Variants in VPS16 observed in about 807,000 individuals in gnomAD.
VPS16 encodes the protein VPS16 core subunit of CORVET and HOPS complexes.
A neutral mutation model predicts 116.0 loss-of-function variants in VPS16; 82 were observed. That is an observed-to-expected ratio of 0.71 (90% CI 0.59 to 0.85). The LOEUF is 0.85. Ranked by LOEUF, VPS16 falls within the 40% of genes least tolerant of loss-of-function variation. The pLI is 0.00. For synonymous variants in VPS16, 406 were observed against 420.7 expected (o/e 0.96, Z 0.43); for missense variants, 928 against 1,090.6 (o/e 0.85, Z 2.10).
chr20:2,852,380 G>A (rs2089131031), intron 1 of VPS16, among the ~76,000 whole-genome samples: 2 of 152,134 alleles, frequency 1.3e-5, no homozygotes, highest in Admixed American at 1.3e-4. Context: ...ATGGGTTAAA[G>A]GGTGAATTTG....
Position 2,864,372 on chromosome 20 carries a change from G to A in VPS16, c.1728G>A (p.Thr576=), listed in dbSNP as rs141734741. The change falls in exon 18 of 24, where the codon ACG becomes ACA. Residue 576 remains threonine, a synonymous_variant. Transcript: ENST00000380445. The surrounding 1 kb of genome is among the most constrained non-coding windows in gnomAD (Gnocchi z 5.2). ...IESGDTDLVF[T]VLLHLKNELN... is the part of the protein sequence containing the mutation. ...CACCTTACTCTCCTGCAGTGTTCAC[G>A]GTGTTGCTGCACCTGAAGAACGAGC... 15 of 1,614,062 alleles carry A rather than the reference G, an allele frequency of 9.3e-6. No individual in the cohort carries two copies. The highest frequency in any genetic ancestry group is 5.0e-5 in the Admixed American group (3 of 60,010).
intron 1 of VPS16, among the ~76,000 whole-genome samples, chr20:2,854,931 G>C (rs1301105856): frequency 1.3e-5 from 2 of 150,608 alleles, no homozygotes; most frequent in Non-Finnish European, 2.9e-5. Flanking sequence ...GAGTTTTTGG[G>C]GGACCAGATA....
At chr20:2,850,725 T>C (rs1412750460) in intron 1 of VPS16, among the ~76,000 whole-genome samples, 1 of 151,494 alleles carries the variant, frequency 6.6e-6, no homozygotes, top group East Asian at 1.9e-4. Flanking sequence ...CCCAATACTT[T>C]GGGAGGCCGT....
Position 2,865,612 on chromosome 20 carries a change from G to C in VPS16, c.2271+117G>C. ...ATGCTCCTGTTCAGCTGCCCGCATA[G>C]TTAGCGAGTGCTTCCTGTATACACA... On this transcript the variant is annotated intron_variant, in intron 22 of 23. Transcript: ENST00000380445. The surrounding 1 kb of genome is among the most constrained non-coding windows in gnomAD (Gnocchi z 5.2). 5.5e-6 allele frequency: 5 copies of C among 914,468 alleles called. No individual in the cohort carries two copies. The highest frequency in any genetic ancestry group is 5.1e-5 in the South Asian group (3 of 58,964). The allele number at this position is 914,468 out of a possible 1,614,324, so 56.6% of individuals were successfully genotyped here.
rs2089349015 is a variant in VPS16 at position 2,866,477 on chromosome 20, C to T, written c.2423C>T (p.Ala808Val). The change falls in exon 24 of 24, where the codon GCT becomes GTT. Residue 808 changes from alanine to valine, a missense_variant. Ala to Val is a moderately conservative substitution (Grantham distance 64). Transcript: ENST00000380445. ...ADVAIEHRNE[A>V]ELSLVLSHCT... The stretch of plus-strand genomic sequence containing the variant: ...GTGGCCATCGAACACCGGAATGAGG[C>T]TGAGCTGAGCCTCGTATTGTCCCAC... 1.1e-5 allele frequency: 18 copies of T among 1,614,082 alleles called. No individual in the cohort carries two copies. The highest frequency in any genetic ancestry group is 1.5e-5 in the Non-Finnish European group (18 of 1,180,048).
intron 1 of VPS16, 118 bp downstream of exon 1, chr20:2,840,945 T>G (rs2088963061): frequency 3.0e-6 from 3 of 1,009,758 alleles, no homozygotes; most frequent in Admixed American, 2.7e-5. Context: ...CCGCGCCGGC[T>G]CTCCCCGAGC....
rs761319981 is a variant in VPS16 at position 2,865,025 on chromosome 20, C to G, written c.1974C>G (p.Phe658Leu). The G allele has an allele frequency of 1.2e-6, 2 of 1,614,196 alleles. No homozygotes were observed. Among genetic ancestry groups the G allele is most frequent in the Non-Finnish European group, 1.7e-6 (2 of 1,180,040 alleles). The change falls in exon 20 of 24, where the codon TTC (phenylalanine) becomes TTG (leucine). Residue 658 changes from phenylalanine to leucine, a missense_variant. Phe to Leu is a conservative substitution (Grantham distance 22). Coordinates refer to ENST00000380445, the MANE Select transcript of VPS16 (RefSeq NM_022575.4). The surrounding 1 kb of genome is among the most constrained non-coding windows in gnomAD (Gnocchi z 5.2). ...CTCTGCAGACAGCCGCCGATGCCTT[C>G]TACAAGGCCAAGAATGAGTTTGCAG... ...VAALQTAADA[F>L]YKAKNEFAAK...
rs755004090 is a variant in VPS16 at position 2,866,507 on chromosome 20, C to T, written c.2453C>T (p.Thr818Met). The change falls in exon 24 of 24, where the codon ACG becomes ATG. Residue 818 changes from threonine to methionine, a missense_variant. Physicochemically the swap from Thr to Met is moderately conservative, Grantham distance 81. Coordinates refer to ENST00000380445, the MANE Select transcript of VPS16 (RefSeq NM_022575.4). ...AELSLVLSHC[T>M]GATDGATADK... Reference sequence around the variant, plus strand: ...CTGAGCCTCGTATTGTCCCACTGCACGGGAGCCACAGATGGGGCCACAGCT... The same window carrying T: ...CTGAGCCTCGTATTGTCCCACTGCATGGGAGCCACAGATGGGGCCACAGCT... 43 of 1,614,044 alleles carry T rather than the reference C, an allele frequency of 2.7e-5. No homozygotes were observed. The highest frequency in any genetic ancestry group is 2.0e-4 in the East Asian group (9 of 44,898).
Position 2,864,642 on chromosome 20 carries a change from T to C in VPS16, c.1914T>C (p.Tyr638=). The part of the protein sequence containing the change: ...ELGSFHIRAS[Y]AAEERIEGRV... ...GCAGCTTCCACATCCGAGCCAGCTA[T>C]GCTGCAGAAGAGGTCTGAGATCCAT... Residue 638 remains tyrosine (Y), a synonymous_variant, in exon 19 of 24, where the codon TAT becomes TAC. Coordinates refer to ENST00000380445, the MANE Select transcript of VPS16 (RefSeq NM_022575.4). The surrounding 1 kb of genome is among the most constrained non-coding windows in gnomAD (Gnocchi z 5.2). 7 of 1,614,036 alleles carry C rather than the reference T, an allele frequency of 4.3e-6. No individual in the cohort carries two copies. The South Asian group carries it at 5.5e-5, about 13-fold the overall frequency.
chr20:2,856,980 C>CTTTTTTTTTTTT (rs3053469), intron 1 of VPS16, among the ~76,000 whole-genome samples: 6 of 142,096 alleles, frequency 4.2e-5, no homozygotes, highest in Non-Finnish European at 7.7e-5. Flanking sequence ...TTTTCTTTTT[C>CTTTTTTTTTTTT]TTTTTTTTTT....
At chr20:2,866,142 CT>C in intron 22 of VPS16, 69 bp from the exon 23 acceptor site, 2 of 1,417,642 alleles carry the variant, frequency 1.4e-6, no homozygotes, top group East Asian at 4.6e-5. Flanking sequence ...CATTGCGCCT[CT>C]GCTCGTAAGA....
rs572809735 is a variant in VPS16 at position 2,854,944 on chromosome 20, T to C, written c.54-4775T>C. Among the ~76,000 whole-genome samples the C allele has an allele frequency of 1.1e-4, 16 of 150,020 alleles. No individual in the cohort carries two copies. In the East Asian group the frequency reaches 3.1e-3, roughly 29 times the overall value. On this transcript the variant is annotated intron_variant, in intron 1 of 23. Transcript: ENST00000380445. ...CAGAGTTTTTGGGGGACCAGATACG[T>C]TGTCAATGAGCAGTAATTTTTTTTT...
intron 1 of VPS16, among the ~76,000 whole-genome samples, chr20:2,842,792 A>C (rs200346827): frequency 0.019 from 1,716 of 88,546 alleles, 133 homozygotes; most frequent in Admixed American, 0.07. Context: ...ATCTATCTAT[A>C]GATAGACATA....
At position 2,860,544 on chromosome 20, in the gene VPS16, C is replaced by A; in HGVS notation, c.465C>A (p.Leu155=). 1 of 1,613,976 alleles carries A rather than the reference C, an allele frequency of 6.2e-7. No homozygotes were observed. The highest frequency in any genetic ancestry group is 8.5e-7 in the Non-Finnish European group (1 of 1,180,022). The change falls in exon 5 of 24, where the codon CTC becomes CTA. Residue 155 remains leucine (L), a synonymous_variant. Coordinates refer to ENST00000380445, the MANE Select transcript of VPS16 (RefSeq NM_022575.4). This position sits in a 1 kb window ranked among gnomAD's most constrained non-coding sequence, Gnocchi z 6.1. The stretch of plus-strand genomic sequence containing the variant: ...TCACAGGGGCCCACCGCTTCACCCT[C>A]AGTGCCAATGTGGGTGACCTCAAAC... ...AILTGAHRFT[L]SANVGDLKLR... is the part of the protein sequence containing the mutation.
Position 2,860,952 on chromosome 20 carries a change from AC to A in VPS16, c.631-15del, listed in dbSNP as rs1568627438. The stretch of plus-strand genomic sequence containing the variant: ...GTCAGTATGTATCTGTCCCACCCCT[AC>A]CCTGGCTCTGCCTCAGACGCCCCCT... On this transcript the variant is annotated splice_polypyrimidine_tract_variant and intron_variant, in intron 6 of 23. Transcript: ENST00000380445. This position sits in a 1 kb window ranked among gnomAD's most constrained non-coding sequence, Gnocchi z 6.1. The A allele has an allele frequency of 6.2e-7, 1 of 1,614,010 alleles. No individual in the cohort carries two copies. Among genetic ancestry groups the A allele is most frequent in the Non-Finnish European group, 8.5e-7 (1 of 1,180,028 alleles).
chr20:2,850,928 AC>A (rs2089112749), intron 1 of VPS16, among the ~76,000 whole-genome samples: 1 of 148,294 alleles, frequency 6.7e-6, no homozygotes, highest in Non-Finnish European at 1.5e-5. Context: ...AGCCAATCAC[AC>A]CACTGCACTG....
chr20:2,840,993 G>T, intron 1 of VPS16, 166 bp downstream of exon 1: 1 of 650,156 alleles, frequency 1.5e-6, no homozygotes. Flanking sequence ...TGGGCAGGGA[G>T]CCGGGCCTTC....
At chr20:2,851,095 C>T (rs994814191) in intron 1 of VPS16, among the ~76,000 whole-genome samples, 8 of 152,082 alleles carry the variant, frequency 5.3e-5, no homozygotes, top group Non-Finnish European at 1.2e-4. Context: ...AGGGTTCAGA[C>T]CTCGTTGGAA....
rs1266290386 is a variant in VPS16 at position 2,865,214 on chromosome 20, T to C, written c.2071T>C (p.Phe691Leu). ...CCTAGAAGACGAGCTGGGGGGCCAG[T>C]TCCTAGACCTGTCTCTACATGACAC... ...RRLEDELGGQ[F>L]LDLSLHDTVT... Residue 691 changes from phenylalanine to leucine, a missense_variant, in exon 21 of 24, where the codon TTC becomes CTC. Coordinates refer to ENST00000380445, the MANE Select transcript of VPS16 (RefSeq NM_022575.4). The surrounding 1 kb of genome is among the most constrained non-coding windows in gnomAD (Gnocchi z 5.2). 1 of 1,614,154 alleles carries C rather than the reference T, an allele frequency of 6.2e-7. No homozygotes were observed. The highest frequency in any genetic ancestry group is 1.7e-5 in the Admixed American group (1 of 60,032).
Sources: gnomAD v4.1 joint callset for allele counts (sites outside exome capture counted in the v4.1 genomes callset) on GRCh38, gnomAD v4.1.1 for gene constraint, Gnocchi (gnomAD v3.1) non-coding constraint, MANE v1.5 for transcripts, NCBI Gene and HGNC (gene_info 2026-07-23, HGNC 2026-07-21) for gene names.